Variants in GABRG3 observed in about 807,000 individuals in gnomAD.
GABRG3 encodes gamma-aminobutyric acid type A receptor subunit gamma3.
In GABRG3, 25 loss-of-function variants were observed where a neutral mutation model predicts 48.8. That is an observed-to-expected ratio of 0.51 (90% CI 0.37 to 0.72). GABRG3 has a LOEUF of 0.72. Among genes scored for constraint, GABRG3 ranks in the 30% least tolerant of loss-of-function variants. The pLI, the probability that GABRG3 is intolerant of heterozygous loss-of-function variation, is 0.00. For synonymous variants in GABRG3, 227 were observed against 217.6 expected, an observed-to-expected ratio of 1.04 and a Z score of -0.38; for missense variants, 394 against 577.9, an observed-to-expected ratio of 0.68 and a Z score of 3.26.
chr15:27,227,778 A>T (rs1284996106), intron 3 of GABRG3, among the ~76,000 whole-genome samples: 1 of 152,178 alleles, frequency 6.6e-6, no homozygotes, highest in East Asian at 1.9e-4. Context: ...AATTTCAGGA[A>T]ACCTTATTCC....
Position 27,142,092 on chromosome 15 carries a change from A to G in GABRG3, c.270+115271A>G, listed in dbSNP as rs1051150397. Among the ~76,000 whole-genome samples, 188 of 152,346 alleles carry G rather than the reference A, an allele frequency of 1.2e-3. 2 individuals carry two copies. The highest frequency in any genetic ancestry group is 4.4e-3 in the African/African-American group (181 of 41,594). ...TGTCCTCTTTTTAATTTGAATTTAC[A>G]TTCAGTATTTCACAATTTATAATTT... On this transcript the variant is annotated intron_variant, in intron 3 of 9. Transcript: ENST00000615808.
At chr15:27,248,053 C>A (rs900140836) in intron 3 of GABRG3, among the ~76,000 whole-genome samples, 3 of 152,172 alleles carry the variant, frequency 2.0e-5, no homozygotes, top group Non-Finnish European at 4.4e-5. Flanking sequence ...CTGTCACTGT[C>A]TGTGTTTCTA....
At chr15:27,043,009 G>A (rs987035578) in intron 3 of GABRG3, among the ~76,000 whole-genome samples, 11 of 152,172 alleles carry the variant, frequency 7.2e-5, no homozygotes, top group African/African-American at 2.4e-4. Flanking sequence ...CACGGGCTCC[G>A]CGTCCAGCCC....
rs956785647 is a variant in GABRG3 at position 26,974,892 on chromosome 15, G to A, written c.54-2110G>A. 1.5e-5 allele frequency among the ~76,000 whole-genome samples: 2 copies of A among 134,442 alleles called. No individual in the cohort carries two copies. Among genetic ancestry groups the A allele is most frequent in the African/African-American group, 5.5e-5 (2 of 36,598 alleles). 88.2% of individuals were successfully genotyped at this position (134,442 alleles called of 152,430 possible). ...ATTATTATTATTATTATTATTATTT[G>A]AGATGGAGTCTCGCTCTGTTGCCCA... On this transcript the variant is annotated intron_variant, in intron 1 of 9. Transcript: ENST00000615808. This position sits in a 1 kb window ranked among gnomAD's most constrained non-coding sequence, Gnocchi z 4.3.
chr15:26,991,144 G>C (rs1294724460), intron 2 of GABRG3, among the ~76,000 whole-genome samples: 2 of 152,098 alleles, frequency 1.3e-5, no homozygotes, highest in Non-Finnish European at 2.9e-5. Flanking sequence ...TGAATATCGA[G>C]TTTTCCTAGC....
At chr15:27,325,311 A>G (rs901251959) in intron 3 of GABRG3, among the ~76,000 whole-genome samples, 5 of 152,150 alleles carry the variant, frequency 3.3e-5, no homozygotes, top group African/African-American at 1.2e-4. Context: ...TTCATCCCCA[A>G]GGGCACATTC....
At chr15:27,286,571 A>C (rs568612608) in intron 3 of GABRG3, among the ~76,000 whole-genome samples, 1 of 149,346 alleles carries the variant, frequency 6.7e-6, no homozygotes, top group East Asian at 1.9e-4. Context: ...TCTTCCCAAT[A>C]ATTAGAGAAA....
rs1250870306 is a variant in GABRG3, at chr15:27,180,216, A to G, written c.271-146593A>G. Among the ~76,000 whole-genome samples the G allele has an allele frequency of 6.6e-6, 1 of 152,174 alleles. No homozygotes were observed. Among genetic ancestry groups the G allele is most frequent in the Admixed American group, 6.5e-5 (1 of 15,276 alleles). On this transcript the variant is annotated intron_variant, in intron 3 of 9. Coordinates refer to ENST00000615808, the MANE Select transcript of GABRG3 (RefSeq NM_033223.5). The surrounding 1 kb of genome is among the most constrained non-coding windows in gnomAD (Gnocchi z 4.2). ...ACACACACTTTTTCTGAAGGACCTT[A>G]GCACGGTCTAAATAAAGTTTGTAAA...
intron 3 of GABRG3, among the ~76,000 whole-genome samples, chr15:27,304,823 T>C (rs139494277): frequency 3.6e-4 from 55 of 152,072 alleles, no homozygotes; most frequent in African/African-American, 1.3e-3. Context: ...CACAGACATC[T>C]TTAGGGACTA....
chr15:27,413,639 T>A (rs1315695863), intron 5 of GABRG3, among the ~76,000 whole-genome samples: 2 of 152,068 alleles, frequency 1.3e-5, no homozygotes, highest in East Asian at 3.9e-4. Flanking sequence ...CAGATCAGTG[T>A]GTATAAGTTG....
At chr15:26,994,372 A>C (rs879130824) in intron 2 of GABRG3, among the ~76,000 whole-genome samples, 1 of 150,622 alleles carries the variant, frequency 6.6e-6, no homozygotes, top group South Asian at 2.1e-4. Context: ...ATGTTTTTTG[A>C]TTTGAGGTTC....
intron 3 of GABRG3, among the ~76,000 whole-genome samples, chr15:27,102,292 T>C (rs988682970): frequency 6.6e-6 from 1 of 152,234 alleles, no homozygotes; most frequent in African/African-American, 2.4e-5. Context: ...GTTTGGTTTT[T>C]GTTATGACTT....
intron 5 of GABRG3, among the ~76,000 whole-genome samples, chr15:27,367,599 G>A (rs569371609): frequency 1.3e-4 from 20 of 152,280 alleles, no homozygotes; most frequent in African/African-American, 4.8e-4. Flanking sequence ...GATTGGGAAG[G>A]GGCTGTGCTT....
At chr15:27,292,752 G>A (rs537237437) in intron 3 of GABRG3, among the ~76,000 whole-genome samples, 3 of 152,178 alleles carry the variant, frequency 2.0e-5, no homozygotes, top group Non-Finnish European at 2.9e-5. Context: ...AAGCAACAAT[G>A]TGAAAAGCAA....
intron 3 of GABRG3, chr15:27,295,113 T>G (rs1891936822): frequency 6.6e-6 from 1 of 152,090 alleles, no homozygotes; most frequent in African/African-American, 2.4e-5. Flanking sequence ...AGAAGAAGCT[T>G]TCTAGAACTA....
At position 26,984,340 on chromosome 15, in the gene GABRG3, A is replaced by G. The variant is rs148440599; in HGVS notation, c.202+7190A>G. 3.3e-3 allele frequency among the ~76,000 whole-genome samples: 499 copies of G among 152,260 alleles called. 3 individuals are homozygous for G. Among genetic ancestry groups the G allele is most frequent in the Middle Eastern group, 0.017 (5 of 294 alleles). ...CAGGGCGATCCATCATCAGGAAACA[A>G]TTGTGCATCACTGTTATTTTTAACA... On this transcript the variant is annotated intron_variant, in intron 2 of 9. Transcript: ENST00000615808.
chr15:26,979,961 T>C (rs1227424150), intron 2 of GABRG3, among the ~76,000 whole-genome samples: 1 of 152,222 alleles, frequency 6.6e-6, no homozygotes, highest in East Asian at 1.9e-4. Context: ...AGTGATACCC[T>C]CTGGGCCAGG....
intron 3 of GABRG3, among the ~76,000 whole-genome samples, chr15:27,152,954 G>A (rs1216375868): frequency 1.3e-5 from 2 of 150,210 alleles, no homozygotes; most frequent in Non-Finnish European, 3.0e-5. Context: ...TCCGCCTCCC[G>A]GGTTCACGCC....
chr15:27,205,935 TTG>T (rs1888838393), intron 3 of GABRG3, among the ~76,000 whole-genome samples: 1 of 152,104 alleles, frequency 6.6e-6, no homozygotes, highest in African/African-American at 2.4e-5. Flanking sequence ...TCATTTCTGA[TTG>T]TGTGTTTTTG....
Sources: gnomAD v4.1 joint callset for allele counts (sites outside exome capture counted in the v4.1 genomes callset) on GRCh38, gnomAD v4.1.1 for gene constraint, Gnocchi (gnomAD v3.1) non-coding constraint, MANE v1.5 for transcripts, NCBI Gene and HGNC (gene_info 2026-07-23, HGNC 2026-07-21) for gene names.